The following NRCAM variants were observed in gnomAD, a reference collection of about 807,000 sequenced individuals.
The protein encoded by NRCAM is neuronal cell adhesion molecule.
NRCAM carries 83 observed loss-of-function variants against 156.5 expected under a neutral mutation model. The observed-to-expected ratio is 0.53, with a 90% confidence interval of 0.44 to 0.64. The LOEUF (loss-of-function observed/expected upper bound fraction) is 0.64. Ranked by LOEUF, NRCAM falls within the 30% of genes least tolerant of loss-of-function variation. The probability of loss-of-function intolerance (pLI) is 0.00; values close to 1 mark genes in which losing one functional copy is unlikely to be tolerated. For missense variants in NRCAM, 1,417 were observed against 1,597.3 expected, an observed-to-expected ratio of 0.89 and a Z score of 1.92; for synonymous variants, 538 against 563.9, an observed-to-expected ratio of 0.95 and a Z score of 0.65.
intron 3 of NRCAM, among the ~76,000 whole-genome samples, chr7:108,242,648 A>G (rs2095613643): frequency 6.6e-6 from 1 of 152,246 alleles, no homozygotes; most frequent in African/African-American, 2.4e-5. Context: ...ACATATTGAG[A>G]TAAAACAAAA....
chr7:108,202,049 G>A (rs111314843), intron 13 of NRCAM, among the ~76,000 whole-genome samples: 2,750 of 152,202 alleles, frequency 0.018, 37 homozygotes, highest in South Asian at 0.049. Flanking sequence ...AGTGGGTAGA[G>A]TAACTCTCTA....
chr7:108,271,375 T>A (rs1173848648), intron 3 of NRCAM, among the ~76,000 whole-genome samples: 7 of 152,282 alleles, frequency 4.6e-5, no homozygotes, highest in Admixed American at 1.3e-4. Flanking sequence ...TGCCCACACT[T>A]TCTCTTCCAT....
chr7:108,374,710 C>T (rs753314782), intron 2 of NRCAM, among the ~76,000 whole-genome samples: 19 of 152,130 alleles, frequency 1.2e-4, no homozygotes, highest in Middle Eastern at 3.4e-3. Flanking sequence ...GCTCCAAATG[C>T]AAGGTAAGTC....
chr7:108,324,877 C>CTT (rs60553976), intron 2 of NRCAM, among the ~76,000 whole-genome samples: 45 of 82,680 alleles, frequency 5.4e-4, no homozygotes, highest in African/African-American at 1.3e-3. Flanking sequence ...TGGCACTGTA[C>CTT]TTTTTTTTTT....
Position 108,194,417 on chromosome 7 carries a change from G to C in NRCAM, c.1475C>G (p.Ala492Gly). Residue 492 changes from alanine to glycine, a missense_variant, in exon 16 of 33, where the codon GCT (alanine) becomes GGT (glycine). Around this residue, in one of 2 missense-constraint regions of NRCAM, gnomAD observed 1,238 missense variants for 1,336.4 expected, o/e 0.93. Coordinates refer to ENST00000379028, the MANE Select transcript of NRCAM (RefSeq NM_001037132.4). ...ATCTTCATGAAGAGCACTTCCTTTA[G>C]CTCCTTTAAACCTTCATTACAGAAA... ...PLPTIEWFKG[A>G]KGSALHEDIY... The C allele has an allele frequency of 6.3e-7, 1 of 1,598,934 alleles. No homozygotes were observed. The highest frequency in any genetic ancestry group is 1.3e-5 in the African/African-American group (1 of 74,282).
At chr7:108,397,400 T>G (rs1238748731) in intron 2 of NRCAM, among the ~76,000 whole-genome samples, 3 of 152,146 alleles carry the variant, frequency 2.0e-5, no homozygotes, top group African/African-American at 7.2e-5. Context: ...CTATTGTAAG[T>G]ATTATTTGAA....
At chr7:108,447,524 C>T (rs865774131) in intron 1 of NRCAM, among the ~76,000 whole-genome samples, 10 of 151,986 alleles carry the variant, frequency 6.6e-5, no homozygotes, top group South Asian at 2.1e-4. Flanking sequence ...CCTACTCTGT[C>T]CTCCCAAAGT....
intron 2 of NRCAM, among the ~76,000 whole-genome samples, chr7:108,342,583 G>A (rs1353883859): frequency 6.6e-6 from 1 of 152,240 alleles, no homozygotes; most frequent in Non-Finnish European, 1.5e-5. Flanking sequence ...CCAAGCCCCA[G>A]TGTTAATAAG....
chr7:108,162,073 T>C (rs2049407532), intron 30 of NRCAM, among the ~76,000 whole-genome samples: 1 of 152,242 alleles, frequency 6.6e-6, no homozygotes, highest in South Asian at 2.1e-4. Context: ...GCACATCTCA[T>C]TTAATCTTTA....
At chr7:108,168,867 G>A (rs1249683559) in intron 28 of NRCAM, among the ~76,000 whole-genome samples, 3 of 152,128 alleles carry the variant, frequency 2.0e-5, no homozygotes, top group Admixed American at 6.5e-5. Flanking sequence ...ATCTGTGTTG[G>A]TGTGACAGAG....
chr7:108,263,221 T>C (rs1228043745), intron 3 of NRCAM, among the ~76,000 whole-genome samples: 1 of 152,248 alleles, frequency 6.6e-6, no homozygotes, highest in East Asian at 1.9e-4. Flanking sequence ...TATTATCTTA[T>C]CTGCCTGCTT....
chr7:108,198,894 C>T (rs1395871122), intron 13 of NRCAM, among the ~76,000 whole-genome samples: 1 of 152,164 alleles, frequency 6.6e-6, no homozygotes, highest in African/African-American at 2.4e-5. Context: ...TGGAATAGAA[C>T]TGGCTGGGTA....
chr7:108,191,749 C>T lies in NRCAM; in HGVS notation c.1883G>A (p.Ser628Asn), dbSNP rs765756010. ...CTTACCAACAACGCTAAGCACAGCG[C>T]TGGCGGAGACGCTGTCCAGAGTGGT... ...ANTTLDSVSASAVLSVVAPTP... is the reference protein window; with the variant it reads ...ANTTLDSVSANAVLSVVAPTP... Residue 628 changes from serine to asparagine, a missense_variant, in exon 18 of 33, where the codon AGC becomes AAC. Ser to Asn is a conservative substitution (Grantham distance 46). Coordinates refer to ENST00000379028, the MANE Select transcript of NRCAM (RefSeq NM_001037132.4). 15 of 1,613,562 alleles carry T rather than the reference C, an allele frequency of 9.3e-6. No homozygotes were observed. The highest frequency in any genetic ancestry group is 1.1e-5 in the Non-Finnish European group (13 of 1,179,652).
intron 30 of NRCAM, 41 bp from the exon 31 acceptor site, chr7:108,160,533 G>A (rs1362099581): frequency 1.3e-6 from 2 of 1,591,498 alleles, no homozygotes; most frequent in Non-Finnish European, 1.7e-6. Context: ...ATAGGTTAAG[G>A]GGAGATGGGA....
In NRCAM at chr7:108,406,097, A is replaced by T. The variant is rs143802909; in HGVS notation, c.-331-6504T>A. Reference sequence around the variant, plus strand: ...ACTATTCCTGGCCTAGCACAGGGGTAAGGGTGTGACCATGGTAAATACTGT... The same window carrying T: ...ACTATTCCTGGCCTAGCACAGGGGTTAGGGTGTGACCATGGTAAATACTGT... On this transcript the variant is annotated intron_variant, in intron 1 of 32. Transcript: ENST00000379028. Among the ~76,000 whole-genome samples the T allele has an allele frequency of 5.9e-4, 90 of 152,238 alleles. 1 individual carries two copies. The highest frequency in any genetic ancestry group is 2.1e-3 in the African/African-American group (89 of 41,540).
chr7:108,172,817 G>T (rs2059005285), intron 28 of NRCAM, among the ~76,000 whole-genome samples: 2 of 152,074 alleles, frequency 1.3e-5, no homozygotes, highest in South Asian at 4.1e-4. Context: ...TAATCCTTTT[G>T]TAATTATACA....
chr7:108,431,174 G>A (rs1824617136), intron 1 of NRCAM, among the ~76,000 whole-genome samples: 1 of 152,182 alleles, frequency 6.6e-6, no homozygotes, highest in Non-Finnish European at 1.5e-5. Flanking sequence ...CAGGGAAAAT[G>A]AAGCTCAGAG....
intron 15 of NRCAM, 145 bp from the exon 16 acceptor site, chr7:108,194,573 A>C: frequency 1.7e-6 from 1 of 586,776 alleles, no homozygotes; most frequent in Non-Finnish European, 2.9e-6. Context: ...AAGTATCAAT[A>C]GGAAAATAAC....
intron 3 of NRCAM, among the ~76,000 whole-genome samples, chr7:108,278,166 G>A (rs548737929): frequency 2.0e-5 from 3 of 152,218 alleles, no homozygotes; most frequent in Non-Finnish European, 2.9e-5. Context: ...CTACTGGGAG[G>A]TGTCTCCCAG....
Sources: gnomAD v4.1 joint callset for allele counts (sites outside exome capture counted in the v4.1 genomes callset) on GRCh38, gnomAD v4.1.1 for gene constraint, gnomAD v4.1.1 regional missense constraint, MANE v1.5 for transcripts, NCBI Gene and HGNC (gene_info 2026-07-23, HGNC 2026-07-21) for gene names.